The following MROH9 variants were observed in gnomAD, a reference collection of about 807,000 sequenced individuals.
MROH9 encodes the protein maestro heat like repeat family member 9.
Under a neutral mutation model 98.2 loss-of-function variants are expected in MROH9, and 92 were observed. The observed-to-expected ratio is 0.94, with a 90% CI of 0.79 to 1.11. The LOEUF is 1.11. MROH9 is among the 50% of genes most tolerant of loss of function. MROH9 has a pLI of 0.00. For missense variants in MROH9, 1,057 were observed against 1,014.8 expected (o/e 1.04, Z -0.57); for synonymous variants, 397 against 368.9 (o/e 1.08, Z -0.87).
At chr1:170,965,056 AG>A in intron 6 of MROH9, 94 bp from the exon 7 acceptor site, 1 of 742,482 alleles carries the variant, frequency 1.3e-6, no homozygotes, top group Non-Finnish European at 2.3e-6. Context: ...AGGAGAATGT[AG>A]GAAGGCCTGA....
chr1:171,023,285 A>G (rs2101840711), intron 17 of MROH9, among the ~76,000 whole-genome samples: 1 of 152,302 alleles, frequency 6.6e-6, no homozygotes, highest in Admixed American at 6.5e-5. Context: ...TTTCCTTTAT[A>G]GAATCATTTT....
At chr1:171,007,363 A>C (rs1464719116) in intron 15 of MROH9, among the ~76,000 whole-genome samples, 1 of 152,200 alleles carries the variant, frequency 6.6e-6, no homozygotes, top group African/African-American at 2.4e-5. Context: ...ACCTATTACC[A>C]AGTACACAGA....
At chr1:170,970,575 G>GA (rs1361548990) in intron 7 of MROH9, among the ~76,000 whole-genome samples, 2 of 151,878 alleles carry the variant, frequency 1.3e-5, no homozygotes, top group Non-Finnish European at 2.9e-5. Flanking sequence ...AATATCCATG[G>GA]AAAAAAAGAG....
chr1:171,061,708 A>T (rs1173671439), intron 20 of MROH9, among the ~76,000 whole-genome samples: 1 of 152,202 alleles, frequency 6.6e-6, no homozygotes, highest in East Asian at 1.9e-4. Context: ...CCATGTAGCA[A>T]TGGAAATGAA....
At chr1:171,018,551 TGA>T (rs1322815889) in intron 17 of MROH9, among the ~76,000 whole-genome samples, 2 of 152,058 alleles carry the variant, frequency 1.3e-5, no homozygotes, top group Non-Finnish European at 2.9e-5. Context: ...GGACGGAGGA[TGA>T]GATGGACGAA....
intron 1 of MROH9, among the ~76,000 whole-genome samples, chr1:170,944,637 G>T (rs1649251836): frequency 6.6e-6 from 1 of 152,032 alleles, no homozygotes. Context: ...TCATAATTCA[G>T]ACAAACTTGA....
intron 20 of MROH9, among the ~76,000 whole-genome samples, chr1:171,036,346 C>T (rs1320779888): frequency 2.0e-5 from 3 of 151,884 alleles, no homozygotes; most frequent in Non-Finnish European, 2.9e-5. Flanking sequence ...TTCATACATG[C>T]GTTATACCTA....
At chr1:171,041,436 C>CAT (rs1553222193) in intron 20 of MROH9, among the ~76,000 whole-genome samples, 2 of 141,436 alleles carry the variant, frequency 1.4e-5, no homozygotes, top group African/African-American at 5.2e-5. Context: ...CACACACACA[C>CAT]ATATATATGT....
At chr1:170,994,165 A>T (rs1480285435) in intron 12 of MROH9, among the ~76,000 whole-genome samples, 2 of 152,178 alleles carry the variant, frequency 1.3e-5, no homozygotes, top group East Asian at 3.9e-4. Context: ...GATAAAATGT[A>T]TTGAGATCTC....
chr1:170,956,023 C>A (rs1003740807), intron 3 of MROH9, among the ~76,000 whole-genome samples: 1 of 152,148 alleles, frequency 6.6e-6, no homozygotes, highest in Non-Finnish European at 1.5e-5. Context: ...CAGTTTCATT[C>A]TCCTGCATGT....
chr1:171,008,400 G>A (rs1045490038), intron 15 of MROH9, among the ~76,000 whole-genome samples: 3 of 152,026 alleles, frequency 2.0e-5, no homozygotes, highest in African/African-American at 7.2e-5. Flanking sequence ...ATTTTGTTCT[G>A]CAGTTATTTA....
intron 15 of MROH9, among the ~76,000 whole-genome samples, chr1:171,010,766 A>C (rs1174833481): frequency 6.6e-6 from 1 of 152,038 alleles, no homozygotes; most frequent in African/African-American, 2.4e-5. Context: ...TTCTTTGCCC[A>C]CTTTTTCATG....
At chr1:171,040,171 A>C (rs1013675005) in intron 20 of MROH9, among the ~76,000 whole-genome samples, 1 of 152,104 alleles carries the variant, frequency 6.6e-6, no homozygotes, top group African/African-American at 2.4e-5. Flanking sequence ...AATAGATAGA[A>C]ATGTAAAGTA....
At chr1:171,009,330 G>A (rs1278156837) in intron 15 of MROH9, among the ~76,000 whole-genome samples, 3 of 152,202 alleles carry the variant, frequency 2.0e-5, no homozygotes, top group South Asian at 4.2e-4. Context: ...ATTACTCCAT[G>A]CAGCTTATGA....
chr1:170,938,810 C>G (rs549989989), intron 1 of MROH9, among the ~76,000 whole-genome samples: 1 of 152,350 alleles, frequency 6.6e-6, no homozygotes, highest in African/African-American at 2.4e-5. Context: ...AAGCTGCCAC[C>G]AGGTAGCTGG....
chr1:170,951,281 T>C (rs1649544754), intron 3 of MROH9, among the ~76,000 whole-genome samples: 1 of 152,112 alleles, frequency 6.6e-6, no homozygotes. Context: ...CTCCATCAAT[T>C]TGTCTCTACA....
intron 15 of MROH9, chr1:170,998,827 A>T: frequency 3.5e-6 from 3 of 849,290 alleles, no homozygotes; most frequent in Non-Finnish European, 4.3e-6. Flanking sequence ...TAATTTTTTC[A>T]TTAAAATAAT....
intron 11 of MROH9, among the ~76,000 whole-genome samples, chr1:170,990,591 C>A (rs1474415938): frequency 6.6e-6 from 1 of 152,106 alleles, no homozygotes; most frequent in African/African-American, 2.4e-5. Flanking sequence ...AAAAATCACA[C>A]CACTCCATTT....
intron 7 of MROH9, among the ~76,000 whole-genome samples, chr1:170,966,986 C>T (rs1269145705): frequency 6.6e-6 from 1 of 152,142 alleles, no homozygotes; most frequent in Non-Finnish European, 1.5e-5. Context: ...TTGATATATT[C>T]TAGTGAGTTC....
Sources: allele counts gnomAD v4.1 joint callset (sites outside exome capture counted in the v4.1 genomes callset), GRCh38; gene constraint gnomAD v4.1.1; transcripts MANE v1.5; gene names NCBI Gene and HGNC (gene_info 2026-07-23, HGNC 2026-07-21).